Variants in USH2A observed in about 807,000 individuals in gnomAD.
The protein encoded by USH2A is usherin.
USH2A carries 443 observed loss-of-function variants against 538.9 expected under a neutral mutation model. That is an observed-to-expected ratio of 0.82 (90% CI 0.76 to 0.89). USH2A has a LOEUF of 0.89. Among genes scored for constraint, USH2A ranks in the 40% least tolerant of loss-of-function variants. USH2A has a pLI of 0.00. For synonymous variants in USH2A, 2,413 were observed against 2,273.5 expected, an observed-to-expected ratio of 1.06 and a Z score of -1.75; for missense variants, 6,633 against 6,324.8, an observed-to-expected ratio of 1.05 and a Z score of -1.65.
At chr1:215,974,697 T>G (rs1667581675) in intron 35 of USH2A, among the ~76,000 whole-genome samples, 1 of 152,170 alleles carries the variant, frequency 6.6e-6, no homozygotes. Flanking sequence ...TTGTATAGTA[T>G]TTCGTAGTGT....
At chr1:216,414,046 C>A (rs563044632) in intron 3 of USH2A, among the ~76,000 whole-genome samples, 1 of 152,192 alleles carries the variant, frequency 6.6e-6, no homozygotes, top group East Asian at 1.9e-4. Context: ...AATTTTTTTA[C>A]ATATTTCAAA....
intron 21 of USH2A, among the ~76,000 whole-genome samples, chr1:216,139,834 G>A (rs1028202069): frequency 3.9e-5 from 6 of 152,080 alleles, no homozygotes; most frequent in African/African-American, 4.8e-5. Flanking sequence ...GTCTGAGGCC[G>A]CTGGTTATAT....
At chr1:215,926,990 C>T (rs1196078628) in intron 38 of USH2A, among the ~76,000 whole-genome samples, 1 of 152,092 alleles carries the variant, frequency 6.6e-6, no homozygotes, top group South Asian at 2.1e-4. Context: ...TAGTTGACTA[C>T]TCTGTAGTTC....
chr1:215,676,092 C>T (rs1036967604), intron 62 of USH2A, among the ~76,000 whole-genome samples: 1 of 152,008 alleles, frequency 6.6e-6, no homozygotes, highest in Non-Finnish European at 1.5e-5. Flanking sequence ...AGTGCCAGGG[C>T]TGAAAGAGTA....
rs559548393 is a variant in USH2A, at chr1:216,200,359, GTTC to G, written c.3317-241_3317-239del. 2.0e-4 allele frequency among the ~76,000 whole-genome samples: 31 copies of G among 152,214 alleles called. No individual in the cohort carries two copies. In the South Asian group the frequency reaches 5.2e-3, roughly 25 times the overall value. ...AAAGAATGTTTAGATGTTTGTTTTA[GTTC>G]TTCTTTTGCTTTTCATAGTGTCCTT... On this transcript the variant is annotated intron_variant, in intron 16 of 71. Transcript: ENST00000307340.
rs397517995 is a variant in USH2A at position 215,640,598 on chromosome 1, G to C, written c.14928C>G (p.Gly4976=). 6.8e-6 allele frequency: 11 copies of C among 1,613,722 alleles called. No homozygotes were observed. In the Admixed American group the frequency reaches 1.8e-4, roughly 27 times the overall value. ...TCGGTATGTAGAGGGTGGTGTCCAA[G>C]CCGCTGTACACGCGTCGCCCTCCGT... The part of the protein sequence containing the change: ...LTDGGRRVYS[G]LDTTLYIPRT... The change falls in exon 68 of 72, where the codon GGC becomes GGG. Residue 4976 remains glycine (G), a synonymous_variant. Transcript: ENST00000307340.
At chr1:215,932,627 T>C (rs1015042993) in intron 38 of USH2A, among the ~76,000 whole-genome samples, 1 of 152,086 alleles carries the variant, frequency 6.6e-6, no homozygotes, top group Non-Finnish European at 1.5e-5. Flanking sequence ...TAATAAACTT[T>C]AGCGAATCAC....
rs373621748 is a variant in USH2A, at chr1:216,070,275, T to A, written c.5875A>T (p.Thr1959Ser). 5 of 1,613,648 alleles carry A rather than the reference T, an allele frequency of 3.1e-6. No homozygotes were observed. In the African/African-American group the frequency reaches 6.7e-5, roughly 22 times the overall value. ...TTGAAPQSVP[T>S]PSRVRSLNGY... ...TTTAAGCTGCGGACTCTTGAGGGAG[T>A]TGGCACACTTTGTGGAGCTGTGAAG... Residue 1959 changes from threonine to serine, a missense_variant, in exon 30 of 72, where the codon ACT becomes TCT. Coordinates refer to ENST00000307340, the MANE Select transcript of USH2A (RefSeq NM_206933.4).
At chr1:216,015,717 G>A (rs982995175) in intron 32 of USH2A, among the ~76,000 whole-genome samples, 1 of 152,202 alleles carries the variant, frequency 6.6e-6, no homozygotes, top group African/African-American at 2.4e-5. Flanking sequence ...ATGCTAACTG[G>A]TGTGAGATGG....
chr1:215,826,937 T>G (rs1663174301), intron 47 of USH2A, among the ~76,000 whole-genome samples: 1 of 152,168 alleles, frequency 6.6e-6, no homozygotes, highest in African/African-American at 2.4e-5. Context: ...TTAAAAATAC[T>G]TCAAAGATAT....
chr1:216,336,952 T>G (rs761482371), intron 4 of USH2A, among the ~76,000 whole-genome samples: 1 of 151,454 alleles, frequency 6.6e-6, no homozygotes, highest in Admixed American at 6.6e-5. Flanking sequence ...GGAAAGACCC[T>G]GATGAATTGA....
At chr1:215,635,531 T>TTTATTTA in intron 69 of USH2A, among the ~76,000 whole-genome samples, 1 of 142,068 alleles carries the variant, frequency 7.0e-6, no homozygotes, top group Non-Finnish European at 1.5e-5. Flanking sequence ...GTAGGATTAT[T>TTTATTTA]TTTATTTATT....
At chr1:215,844,712 A>G (rs1358622587) in intron 45 of USH2A, among the ~76,000 whole-genome samples, 1 of 152,216 alleles carries the variant, frequency 6.6e-6, no homozygotes, top group Admixed American at 6.5e-5. Flanking sequence ...TTATACCACC[A>G]GCATAGTGCT....
rs528530476 is a variant in USH2A at position 215,956,643 on chromosome 1, C to T, written c.7120+8674G>A. ...GGGCTGCATATCCTGAATCAGTGTA[C>T]GACCCATGGTTACAATTTCCATTTC... On this transcript the variant is annotated intron_variant, in intron 37 of 71. Transcript: ENST00000307340. 1.6e-4 allele frequency among the ~76,000 whole-genome samples: 25 copies of T among 152,184 alleles called. No individual in the cohort carries two copies. The East Asian group carries it at 1.7e-3, about 11-fold the overall frequency.
intron 43 of USH2A, among the ~76,000 whole-genome samples, chr1:215,877,184 C>A (rs1253470693): frequency 6.6e-6 from 1 of 152,142 alleles, no homozygotes; most frequent in Non-Finnish European, 1.5e-5. Flanking sequence ...AAAGCTAGTT[C>A]TCCAGCACAG....
In USH2A at chr1:216,081,716, C is replaced by T. The variant is rs545525853; in HGVS notation, c.5298+1740G>A. 6.1e-4 allele frequency among the ~76,000 whole-genome samples: 93 copies of T among 152,060 alleles called. 2 individuals carry two copies. The highest frequency in any genetic ancestry group is 1.9e-3 in the African/African-American group (80 of 41,492). ...CAGCAATCCTCTTGCCTCAGCTTCC[C>T]GAGTAGCTGGAACTAGCTACAGTGT... On this transcript the variant is annotated intron_variant, in intron 26 of 71. Transcript: ENST00000307340.
At chr1:215,634,852 G>A in intron 69 of USH2A, 149 bp from the exon 70 acceptor site, 1 of 1,358,052 alleles carries the variant, frequency 7.4e-7, no homozygotes, top group Admixed American at 1.8e-5. Context: ...TGTGCAGCCT[G>A]GGGTAATGGT....
intron 46 of USH2A, among the ~76,000 whole-genome samples, chr1:215,843,729 TA>T (rs1426887728): frequency 6.6e-6 from 1 of 152,184 alleles, no homozygotes; most frequent in Non-Finnish European, 1.5e-5. Flanking sequence ...CACCTTCAGA[TA>T]AAACCTTTTA....
chr1:216,091,245 T>G (rs1028575439), intron 22 of USH2A, among the ~76,000 whole-genome samples: 22 of 152,218 alleles, frequency 1.4e-4, no homozygotes, highest in Non-Finnish European at 3.1e-4. Context: ...CTATTCAGAA[T>G]TGTTTTAAAG....
Sources: gnomAD v4.1 joint callset for allele counts (sites outside exome capture counted in the v4.1 genomes callset) on GRCh38, gnomAD v4.1.1 for gene constraint, MANE v1.5 for transcripts, NCBI Gene and HGNC (gene_info 2026-07-23, HGNC 2026-07-21) for gene names.